The following KIAA0825 variants were observed in gnomAD, a reference collection of about 807,000 sequenced individuals.
KIAA0825 encodes KIAA0825.
In KIAA0825, 119 loss-of-function variants were observed where a neutral mutation model predicts 147.6. The observed-to-expected ratio is 0.81, with a 90% CI of 0.69 to 0.94. KIAA0825 has a LOEUF of 0.94. KIAA0825 is among the 40% of genes least tolerant of loss of function. The pLI is 0.00. For missense variants in KIAA0825, 1,381 were observed against 1,472.7 expected, an observed-to-expected ratio of 0.94 and a Z score of 1.02; for synonymous variants, 470 against 518.1, an observed-to-expected ratio of 0.91 and a Z score of 1.26.
At chr5:94,250,944 G>T (rs1211747252) in intron 20 of KIAA0825, among the ~76,000 whole-genome samples, 1 of 152,054 alleles carries the variant, frequency 6.6e-6, no homozygotes, top group Non-Finnish European at 1.5e-5. Flanking sequence ...AGGAATCCCC[G>T]TGAAGCTACA....
At chr5:94,596,028 C>A (rs1321253190) in intron 1 of KIAA0825, among the ~76,000 whole-genome samples, 2 of 152,186 alleles carry the variant, frequency 1.3e-5, no homozygotes. Flanking sequence ...ATATTTTCTC[C>A]CACTCTGCAG....
At chr5:94,308,627 T>C (rs1778895093) in intron 20 of KIAA0825, among the ~76,000 whole-genome samples, 1 of 151,796 alleles carries the variant, frequency 6.6e-6, no homozygotes, top group African/African-American at 2.4e-5. Flanking sequence ...TAAAATGAGA[T>C]TGTTGATGAT....
At chr5:94,561,680 T>G (rs1379605089) in intron 2 of KIAA0825, among the ~76,000 whole-genome samples, 1 of 152,238 alleles carries the variant, frequency 6.6e-6, no homozygotes, top group Non-Finnish European at 1.5e-5. Context: ...TTTTCCACAA[T>G]GCATAGAAAA....
chr5:94,191,463 G>T (rs565789623), intron 20 of KIAA0825, among the ~76,000 whole-genome samples: 32 of 152,216 alleles, frequency 2.1e-4, no homozygotes, highest in African/African-American at 7.5e-4. Context: ...AATTATAAAA[G>T]TATGCATTTA....
chr5:94,590,433 G>C (rs1007918142), intron 1 of KIAA0825, among the ~76,000 whole-genome samples: 1 of 152,054 alleles, frequency 6.6e-6, no homozygotes, highest in Non-Finnish European at 1.5e-5. Flanking sequence ...AAATGGACAC[G>C]AACTCTCAAG....
At chr5:94,522,560 T>C (rs1768430947) in intron 4 of KIAA0825, among the ~76,000 whole-genome samples, 1 of 151,696 alleles carries the variant, frequency 6.6e-6, no homozygotes, top group South Asian at 2.1e-4. Flanking sequence ...AATGAGGACC[T>C]CTGTTTCTTA....
chr5:94,496,878 C>T (rs1031046599), intron 5 of KIAA0825, among the ~76,000 whole-genome samples: 13 of 152,036 alleles, frequency 8.6e-5, no homozygotes, highest in East Asian at 1.9e-4. Flanking sequence ...GTTTGCAAGC[C>T]GCTGCGGTTT....
rs1415987740 is a variant in KIAA0825 at position 94,316,732 on chromosome 5, T to G, written c.3710+67636A>C. ...GTTCATCTGAGTTGGGGCAGTATGC[T>G]TTTGCATCCTTTCAGAGTGATTAAA... On this transcript the variant is annotated intron_variant, in intron 20 of 20. Coordinates refer to ENST00000682413, the MANE Select transcript of KIAA0825 (RefSeq NM_001145678.3). 2.0e-5 allele frequency among the ~76,000 whole-genome samples: 3 copies of G among 151,830 alleles called. No individual in the cohort carries two copies. In the East Asian group the frequency reaches 5.8e-4, roughly 29 times the overall value.
intron 10 of KIAA0825, among the ~76,000 whole-genome samples, chr5:94,466,368 C>G (rs1048288373): frequency 6.6e-6 from 1 of 152,052 alleles, no homozygotes; most frequent in Non-Finnish European, 1.5e-5. Flanking sequence ...ATGTCAGAGT[C>G]GAGTTCAAAT....
intron 20 of KIAA0825, among the ~76,000 whole-genome samples, chr5:94,207,854 C>G (rs556034282): frequency 4.9e-4 from 75 of 152,216 alleles, no homozygotes; most frequent in African/African-American, 1.6e-3. Context: ...TATGAAAAGC[C>G]AAACCATGGC....
intron 14 of KIAA0825, among the ~76,000 whole-genome samples, chr5:94,432,802 G>T (rs1245407227): frequency 6.6e-6 from 1 of 152,102 alleles, no homozygotes; most frequent in African/African-American, 2.4e-5. Flanking sequence ...AAGGTGGGAG[G>T]ATTGCTTGAG....
chr5:94,481,802 G>C (rs1242818195), intron 6 of KIAA0825, among the ~76,000 whole-genome samples: 2 of 152,004 alleles, frequency 1.3e-5, no homozygotes, highest in African/African-American at 4.8e-5. Context: ...ATTCTTCTGA[G>C]ACAAACCCTA....
chr5:94,181,108 G>A (rs1769573259), intron 20 of KIAA0825, among the ~76,000 whole-genome samples: 1 of 152,174 alleles, frequency 6.6e-6, no homozygotes. Context: ...CTGAGCAGAA[G>A]TCATTTTAAA....
chr5:94,395,830 A>G (rs1234451614), intron 17 of KIAA0825, among the ~76,000 whole-genome samples: 1 of 152,174 alleles, frequency 6.6e-6, no homozygotes. Context: ...CCTGGGTTTA[A>G]CTACCACCCT....
At chr5:94,193,322 C>T (rs1416730645) in intron 20 of KIAA0825, among the ~76,000 whole-genome samples, 1 of 152,152 alleles carries the variant, frequency 6.6e-6, no homozygotes, top group East Asian at 1.9e-4. Context: ...AGTCACACAG[C>T]TAATAATAAT....
rs149242671 is a variant in KIAA0825 at position 94,189,977 on chromosome 5, T to C, written c.3711-35853A>G. Among the ~76,000 whole-genome samples the C allele has an allele frequency of 3.6e-3, 551 of 152,306 alleles. 2 individuals carry two copies. Among genetic ancestry groups the C allele is most frequent in the African/African-American group, 0.012 (518 of 41,580 alleles). On this transcript the variant is annotated intron_variant, in intron 20 of 20. Coordinates refer to ENST00000682413, the MANE Select transcript of KIAA0825 (RefSeq NM_001145678.3). ...ATGTTTTACTTTCCTTTTGCAATGT[T>C]ATATAGACTTAAGTGTTCGCGTCTT...
chr5:94,152,884 AT>A lies in KIAA0825; in HGVS notation c.*1122del, dbSNP rs1562284220. 27 of 71,874 alleles carry A rather than the reference AT, an allele frequency of 3.8e-4. 3 individuals carry two copies. The highest frequency in any genetic ancestry group is 1.3e-3 in the Admixed American group (7 of 5,500). 4.5% of individuals were successfully genotyped at this position (71,874 alleles called of 1,614,324 possible). A position where few individuals can be genotyped will look rare whatever the true frequency, so the allele number is the denominator to read the frequency against. ...TATATATATATATATATATATATAT[AT>A]ATATATATATATATATATGGTTTCT... On this transcript the variant is annotated 3_prime_UTR_variant, in exon 21 of 21. Coordinates refer to ENST00000682413, the MANE Select transcript of KIAA0825 (RefSeq NM_001145678.3).
chr5:94,549,496 G>C (rs1225106057), intron 2 of KIAA0825, among the ~76,000 whole-genome samples: 2 of 152,208 alleles, frequency 1.3e-5, no homozygotes, highest in Non-Finnish European at 2.9e-5. Flanking sequence ...CAGATGCCCT[G>C]AGGTCAGGAG....
intron 4 of KIAA0825, among the ~76,000 whole-genome samples, chr5:94,522,836 T>C (rs1177268873): frequency 6.6e-6 from 1 of 151,724 alleles, no homozygotes; most frequent in Non-Finnish European, 1.5e-5. Flanking sequence ...GAATGACTTA[T>C]GTGTGACAGA....
Sources: allele counts gnomAD v4.1 joint callset (sites outside exome capture counted in the v4.1 genomes callset), GRCh38; gene constraint gnomAD v4.1.1; transcripts MANE v1.5; gene names NCBI Gene and HGNC (gene_info 2026-07-23, HGNC 2026-07-21).